The following PYGO1 variants were observed in gnomAD, a reference collection of about 807,000 sequenced individuals.
The protein encoded by PYGO1 is pygopus homolog 1.
In PYGO1, 6 loss-of-function variants were observed where a neutral mutation model predicts 29.5. The observed-to-expected ratio is 0.20, with a 90% CI of 0.11 to 0.40. The LOEUF (loss-of-function observed/expected upper bound fraction) is 0.40. Ranked by LOEUF, PYGO1 falls within the 10% of genes least tolerant of loss-of-function variation. The pLI is 1.00. For missense variants in PYGO1, 515 were observed against 514.9 expected, an observed-to-expected ratio of 1.00 and a Z score of 0.00; for synonymous variants, 186 against 180.5, an observed-to-expected ratio of 1.03 and a Z score of -0.24.
rs776345972 is a variant in PYGO1 at position 55,542,409 on chromosome 15, CCTT to C, written c.*3611_*3613del. Reference sequence around the variant, plus strand: ...AAAATCTTTAGTTTTATGTATATAACCTTCTAATTTGAATAACAATTATAGCAG... The same window carrying C: ...AAAATCTTTAGTTTTATGTATATAACCTAATTTGAATAACAATTATAGCAG... On this transcript the variant is annotated 3_prime_UTR_variant, in exon 3 of 3. Transcript: ENST00000563719. 21 of 152,160 alleles carry C rather than the reference CCTT, an allele frequency of 1.4e-4. No individual in the cohort carries two copies. The highest frequency in any genetic ancestry group is 2.2e-4 in the Non-Finnish European group (15 of 68,042). 9.4% of individuals were successfully genotyped at this position (152,160 alleles called of 1,614,324 possible). A position where few individuals can be genotyped will look rare whatever the true frequency, so the allele number is the denominator to read the frequency against.
Position 55,540,321 on chromosome 15 carries a change from G to T in PYGO1, c.*5702C>A, listed in dbSNP as rs926247053. 3 of 151,926 alleles carry T rather than the reference G, an allele frequency of 2.0e-5. No homozygotes were observed. 9.4% of individuals were successfully genotyped at this position (151,926 alleles called of 1,614,324 possible). On this transcript the variant is annotated 3_prime_UTR_variant, in exon 3 of 3. Coordinates refer to ENST00000563719, the MANE Select transcript of PYGO1 (RefSeq NM_001367806.1). ...TAAATATTACAGTACTACTTATTTT[G>T]GTTATGATGAAGTGAATGATGTCTT...
chr15:55,543,495 T>C lies in PYGO1; in HGVS notation c.*2528A>G, dbSNP rs2141639866. The C allele has an allele frequency of 6.6e-6, 1 of 152,318 alleles. No homozygotes were observed. The highest frequency in any genetic ancestry group is 1.5e-5 in the Non-Finnish European group (1 of 68,016). 9.4% of individuals were successfully genotyped at this position (152,318 alleles called of 1,614,324 possible). The stretch of plus-strand genomic sequence containing the variant: ...ATTTAAGTAAGGTGCTTTGAAGACC[T>C]AAACACCTGAATAAAAATTCACCTG... On this transcript the variant is annotated 3_prime_UTR_variant, in exon 3 of 3. Transcript: ENST00000563719.
At chr15:55,571,002 C>T (rs976565677) in intron 1 of PYGO1, among the ~76,000 whole-genome samples, 2 of 152,134 alleles carry the variant, frequency 1.3e-5, no homozygotes, top group Non-Finnish European at 2.9e-5. Flanking sequence ...AAACTATATC[C>T]ATCAAGCAAC....
At chr15:55,552,675 C>G (rs547243877) in intron 1 of PYGO1, among the ~76,000 whole-genome samples, 1 of 152,264 alleles carries the variant, frequency 6.6e-6, no homozygotes, top group South Asian at 2.1e-4. Context: ...CAGGGGATCT[C>G]CTCGTGAGCC....
intron 2 of PYGO1, among the ~76,000 whole-genome samples, 182 bp downstream of exon 2, chr15:55,548,728 A>T (rs2058864338): frequency 2.0e-5 from 1 of 51,152 alleles, no homozygotes; most frequent in African/African-American, 4.0e-5. Context: ...AAAAAAAAAA[A>T]AAAAAAAAAA....
intron 1 of PYGO1, among the ~76,000 whole-genome samples, chr15:55,576,487 G>T (rs914617042): frequency 7.1e-6 from 1 of 139,978 alleles, no homozygotes; most frequent in African/African-American, 2.6e-5. Context: ...AAAAAAGAGA[G>T]AGGCCGGGCA....
chr15:55,569,193 T>G (rs1182726319), intron 1 of PYGO1, among the ~76,000 whole-genome samples: 1 of 152,190 alleles, frequency 6.6e-6, no homozygotes, highest in East Asian at 1.9e-4. Context: ...TTTTTGAATT[T>G]CTAGTAGAAT....
At chr15:55,573,132 C>T (rs1242793243) in intron 1 of PYGO1, among the ~76,000 whole-genome samples, 2 of 152,034 alleles carry the variant, frequency 1.3e-5, no homozygotes, top group Non-Finnish European at 2.9e-5. Context: ...TGGTGAAACC[C>T]TGTCTCTACT....
At chr15:55,559,347 T>C (rs200784563) in intron 1 of PYGO1, among the ~76,000 whole-genome samples, 1 of 151,800 alleles carries the variant, frequency 6.6e-6, no homozygotes, top group African/African-American at 2.4e-5. Flanking sequence ...CTGGAGAGGA[T>C]GTGGAGAAAT....
rs1442923199 is a variant in PYGO1, at chr15:55,542,422, A to G, written c.*3601T>C. On this transcript the variant is annotated 3_prime_UTR_variant, in exon 3 of 3. Transcript: ENST00000563719. ...TTATGTATATAACCTTCTAATTTGAATAACAATTATAGCAGTACTCTAAAG... is the reference window on the plus strand; with the variant it reads ...TTATGTATATAACCTTCTAATTTGAGTAACAATTATAGCAGTACTCTAAAG... 2.0e-5 allele frequency: 3 copies of G among 152,242 alleles called. No individual in the cohort carries two copies. The highest frequency in any genetic ancestry group is 7.2e-5 in the African/African-American group (3 of 41,454). The allele number at this position is 152,242 out of a possible 1,614,324, so 9.4% of individuals were successfully genotyped here.
At position 55,538,942 on chromosome 15, in the gene PYGO1, G is replaced by A. The variant is rs1233348953; in HGVS notation, c.*7081C>T. On this transcript the variant is annotated 3_prime_UTR_variant, in exon 3 of 3. Transcript: ENST00000563719. ...AATCTGAACCATAATAACACTATAG[G>A]AAACAAACTTACAATACATATTATT... 1 of 152,032 alleles carries A rather than the reference G, an allele frequency of 6.6e-6. No homozygotes were observed. Among genetic ancestry groups the A allele is most frequent in the Non-Finnish European group, 1.5e-5 (1 of 67,996 alleles). The allele number at this position is 152,032 out of a possible 1,614,324, so 9.4% of individuals were successfully genotyped here.
chr15:55,567,322 C>T (rs1165279103), intron 1 of PYGO1, among the ~76,000 whole-genome samples: 1 of 147,432 alleles, frequency 6.8e-6, no homozygotes, highest in Non-Finnish European at 1.5e-5. Flanking sequence ...ATTCTCCTAC[C>T]TCAGCTGCCC....
At chr15:55,582,458 C>A (rs2059029222) in intron 1 of PYGO1, among the ~76,000 whole-genome samples, 1 of 152,094 alleles carries the variant, frequency 6.6e-6, no homozygotes, top group African/African-American at 2.4e-5. Context: ...TTTTCTCCTA[C>A]CTCTCTGACT....
chr15:55,548,749 A>G (rs1212539993), intron 2 of PYGO1, among the ~76,000 whole-genome samples, 161 bp downstream of exon 2: 1 of 122,176 alleles, frequency 8.2e-6, no homozygotes, highest in Non-Finnish European at 1.7e-5. Flanking sequence ...AAAAAAAAAA[A>G]GAAAGTACCA....
At chr15:55,554,162 G>C (rs1277087221) in intron 1 of PYGO1, among the ~76,000 whole-genome samples, 1 of 152,094 alleles carries the variant, frequency 6.6e-6, no homozygotes. Flanking sequence ...CTCCAGCAAG[G>C]GCACTGAACT....
chr15:55,577,701 A>G (rs927751919), intron 1 of PYGO1, among the ~76,000 whole-genome samples: 4 of 151,890 alleles, frequency 2.6e-5, no homozygotes, highest in African/African-American at 4.8e-5. Flanking sequence ...ATCATCCCCA[A>G]AAGAAACCCT....
chr15:55,558,799 G>A (rs567245031), intron 1 of PYGO1, among the ~76,000 whole-genome samples: 132 of 152,034 alleles, frequency 8.7e-4, no homozygotes, highest in African/African-American at 3.0e-3. Flanking sequence ...AGCTGAAACT[G>A]GATCCCTTCC....
chr15:55,554,171 C>T (rs1330541707), intron 1 of PYGO1, among the ~76,000 whole-genome samples: 1 of 152,170 alleles, frequency 6.6e-6, no homozygotes, highest in African/African-American at 2.4e-5. Context: ...GGGCACTGAA[C>T]TGGGCTGAGG....
Position 55,544,375 on chromosome 15 carries a change from G to A in PYGO1, c.*1648C>T, listed in dbSNP as rs2058840567. 1 of 152,058 alleles carries A rather than the reference G, an allele frequency of 6.6e-6. No individual in the cohort carries two copies. Among genetic ancestry groups the A allele is most frequent in the African/African-American group, 2.4e-5 (1 of 41,408 alleles). 9.4% of individuals were successfully genotyped at this position (152,058 alleles called of 1,614,324 possible). On this transcript the variant is annotated 3_prime_UTR_variant, in exon 3 of 3. Coordinates refer to ENST00000563719, the MANE Select transcript of PYGO1 (RefSeq NM_001367806.1). ...CTTCATCTCGATTGGGGAATGCATT[G>A]TTTCTTAGAAAAAGCTCCAAATGAT...
Sources: gnomAD v4.1 joint callset for allele counts (sites outside exome capture counted in the v4.1 genomes callset) on GRCh38, gnomAD v4.1.1 for gene constraint, MANE v1.5 for transcripts, NCBI Gene and HGNC (gene_info 2026-07-23, HGNC 2026-07-21) for gene names.